Variants in CNGB3 observed in about 807,000 individuals in gnomAD.
CNGB3 encodes cyclic nucleotide-gated channel beta-3.
Under a neutral mutation model 92.8 loss-of-function variants are expected in CNGB3, and 86 were observed. The observed-to-expected ratio is 0.93, with a 90% CI of 0.78 to 1.11. The LOEUF is 1.11. Ranked by LOEUF, CNGB3 falls within the 50% of genes least tolerant of loss-of-function variation. CNGB3 has a pLI of 0.00. For missense variants in CNGB3, 1,026 were observed against 956.8 expected, an observed-to-expected ratio of 1.07 and a Z score of -0.95; for synonymous variants, 333 against 332.7, an observed-to-expected ratio of 1.00 and a Z score of -0.01.
intron 6 of CNGB3, chr8:86,660,706 A>G (rs1176001918): frequency 9.4e-6 from 5 of 529,270 alleles, no homozygotes; most frequent in South Asian, 5.6e-5. Flanking sequence ...GAAGTTCCAT[A>G]CACAGTGCTC....
intron 15 of CNGB3, among the ~76,000 whole-genome samples, chr8:86,589,324 G>A (rs1487757544): frequency 8.0e-5 from 12 of 149,710 alleles, no homozygotes; most frequent in Admixed American, 7.3e-4. Context: ...AGGGTTTTTT[G>A]TGTCTCTATT....
intron 15 of CNGB3, among the ~76,000 whole-genome samples, chr8:86,584,621 A>G (rs1445486892): frequency 1.3e-5 from 2 of 151,410 alleles, no homozygotes; most frequent in Non-Finnish European, 2.9e-5. Context: ...CATTCCACCC[A>G]TGGAAAGTTT....
chr8:86,607,557 A>G (rs941179172), intron 14 of CNGB3, among the ~76,000 whole-genome samples: 2 of 152,210 alleles, frequency 1.3e-5, no homozygotes, highest in Non-Finnish European at 2.9e-5. Context: ...CAGCATCAGC[A>G]TCACTAGGAG....
intron 6 of CNGB3, among the ~76,000 whole-genome samples, chr8:86,665,155 A>C (rs1408792108): frequency 6.6e-6 from 1 of 152,214 alleles, no homozygotes; most frequent in Non-Finnish European, 1.5e-5. Flanking sequence ...GCCAAAAAAC[A>C]AGTGAAAAAA....
At position 86,611,657 on chromosome 8, in the gene CNGB3, C is replaced by T. The variant is rs1379641710; in HGVS notation, c.1593G>A (p.Gln531=). The change falls in exon 14 of 18, where the codon CAG becomes CAA. Residue 531 remains glutamine (Q), a synonymous_variant. Coordinates refer to ENST00000320005, the MANE Select transcript of CNGB3 (RefSeq NM_019098.5). ...ATCTTAGCAACATGTCATAAATCAT[C>T]TGTGTATCACAACCCTATATAAAAA... ...KVDLFKGCDT[Q]MIYDMLLRLK... is the part of the protein sequence containing the mutation. 3 of 1,611,564 alleles carry T rather than the reference C, an allele frequency of 1.9e-6. No individual in the cohort carries two copies.
rs559528758 is a variant in CNGB3, at chr8:86,706,662, TC to T, written c.338+19868del. Among the ~76,000 whole-genome samples, 593 of 152,318 alleles carry T rather than the reference TC, an allele frequency of 3.9e-3. 7 individuals carry two copies. Among genetic ancestry groups the T allele is most frequent in the African/African-American group, 0.014 (563 of 41,554 alleles). On this transcript the variant is annotated intron_variant, in intron 3 of 17. Transcript: ENST00000320005. ...GAAGTCCAGACTTAAACCATTGTTT[TC>T]CTTTCATTTGAGTCTTAAATCGTGT...
chr8:86,585,828 G>C (rs1412032368), intron 15 of CNGB3, among the ~76,000 whole-genome samples: 1 of 152,134 alleles, frequency 6.6e-6, no homozygotes, highest in Non-Finnish European at 1.5e-5. Context: ...CCCAGTAAAG[G>C]CTATGAATCA....
chr8:86,628,422 G>A (rs2131582274), intron 12 of CNGB3, among the ~76,000 whole-genome samples: 1 of 152,230 alleles, frequency 6.6e-6, no homozygotes, highest in Non-Finnish European at 1.5e-5. Flanking sequence ...AGTGAGGGTT[G>A]GCATTGTTAA....
chr8:86,652,910 A>T (rs1823434390), intron 7 of CNGB3, among the ~76,000 whole-genome samples: 1 of 152,126 alleles, frequency 6.6e-6, no homozygotes, highest in Admixed American at 6.6e-5. Context: ...TATTGCCATT[A>T]TCCCCAATAT....
intron 15 of CNGB3, among the ~76,000 whole-genome samples, chr8:86,590,125 G>A (rs1318379039): frequency 6.6e-6 from 1 of 151,712 alleles, no homozygotes; most frequent in African/African-American, 2.4e-5. Context: ...ATCTTTTTTG[G>A]TTTCAAGTCT....
chr8:86,629,721 A>G (rs1822923444), intron 11 of CNGB3, among the ~76,000 whole-genome samples: 1 of 152,226 alleles, frequency 6.6e-6, no homozygotes, highest in South Asian at 2.1e-4. Flanking sequence ...GAAATTACTG[A>G]AGCATCATCT....
intron 3 of CNGB3, among the ~76,000 whole-genome samples, chr8:86,710,310 C>G (rs1361440130): frequency 6.6e-6 from 1 of 152,116 alleles, no homozygotes; most frequent in East Asian, 1.9e-4. Flanking sequence ...AATCTGTTTT[C>G]TTTTTCAAAT....
At chr8:86,721,825 A>G (rs1375125930) in intron 3 of CNGB3, among the ~76,000 whole-genome samples, 1 of 152,188 alleles carries the variant, frequency 6.6e-6, no homozygotes, top group Non-Finnish European at 1.5e-5. Context: ...ATGAAGTCAC[A>G]TATGGATTTT....
At chr8:86,735,801 TA>T (rs1825241232) in intron 2 of CNGB3, among the ~76,000 whole-genome samples, 1 of 152,150 alleles carries the variant, frequency 6.6e-6, no homozygotes, top group Non-Finnish European at 1.5e-5. Flanking sequence ...GCTAACAAAT[TA>T]ATAGATTTTA....
At chr8:86,581,783 C>G (rs140879229) in intron 15 of CNGB3, among the ~76,000 whole-genome samples, 2 of 152,246 alleles carry the variant, frequency 1.3e-5, no homozygotes, top group African/African-American at 4.8e-5. Flanking sequence ...ACAGCTGAAA[C>G]AGCAGCAAGA....
At chr8:86,587,814 G>A (rs942582283) in intron 15 of CNGB3, among the ~76,000 whole-genome samples, 3 of 151,228 alleles carry the variant, frequency 2.0e-5, no homozygotes, top group Non-Finnish European at 4.4e-5. Context: ...TTGACTTGGC[G>A]ATGCGGGCTC....
intron 3 of CNGB3, among the ~76,000 whole-genome samples, chr8:86,724,032 A>C (rs1184958127): frequency 6.6e-6 from 1 of 152,136 alleles, no homozygotes; most frequent in African/African-American, 2.4e-5. Flanking sequence ...CTACTTGAGG[A>C]TGACCGGAGG....
At chr8:86,727,771 A>G (rs907006528) in intron 2 of CNGB3, among the ~76,000 whole-genome samples, 1 of 152,156 alleles carries the variant, frequency 6.6e-6, no homozygotes, top group African/African-American at 2.4e-5. Flanking sequence ...TGTGCTTAAG[A>G]TATTAAAATG....
rs1209920077 is a variant in CNGB3 at position 86,628,919 on chromosome 8, C to T, written c.1480G>A (p.Asp494Asn). ...EYTWDSQRML[D>N]ESDLLKTLPT... ...TTAATCGGTAATCTGCCATGCTTACCTAGCATTCTTTGAGAGTCCCATGTA... is the reference window on the plus strand; with the variant it reads ...TTAATCGGTAATCTGCCATGCTTACTTAGCATTCTTTGAGAGTCCCATGTA... Residue 494 changes from aspartate (D) to asparagine (N), a missense_variant and splice_region_variant, in exon 12 of 18, where the codon GAT becomes AAT. Physicochemically the swap from Asp to Asn is conservative, Grantham distance 23 (BLOSUM62 1). Coordinates refer to ENST00000320005, the MANE Select transcript of CNGB3 (RefSeq NM_019098.5). 6.2e-7 allele frequency: 1 copy of T among 1,613,644 alleles called. No individual in the cohort carries two copies. The highest frequency in any genetic ancestry group is 8.5e-7 in the Non-Finnish European group (1 of 1,179,792).
Sources: allele counts gnomAD v4.1 joint callset (sites outside exome capture counted in the v4.1 genomes callset), GRCh38; gene constraint gnomAD v4.1.1; transcripts MANE v1.5; gene names NCBI Gene and HGNC (gene_info 2026-07-23, HGNC 2026-07-21).